The following ADGRG2 variants were observed in gnomAD, a reference collection of about 807,000 sequenced individuals.
The protein encoded by ADGRG2 is G protein-coupled receptor 64.
ADGRG2 carries 26 observed loss-of-function variants against 74.1 expected under a neutral mutation model. The ratio of observed to expected loss-of-function variants is 0.35; its 90% CI spans 0.26 to 0.49. ADGRG2 has a LOEUF of 0.49. Among genes scored for constraint, ADGRG2 ranks in the 20% least tolerant of loss-of-function variants. The pLI is 0.99. For missense variants in ADGRG2, 619 were observed against 763.1 expected (o/e 0.81, Z 2.22); for synonymous variants, 296 against 295.2 (o/e 1.00, Z -0.03).
intron 15 of ADGRG2, among the ~76,000 whole-genome samples, chrX:19,018,767 C>A (rs2060522221): frequency 8.9e-6 from 1 of 111,929 alleles, no homozygotes; most frequent in Non-Finnish European, 1.9e-5. Context: ...AGTCAAAAGA[C>A]AACTAAAATA....
At chrX:19,046,839 CGA>C (rs1322483717) in intron 3 of ADGRG2, among the ~76,000 whole-genome samples, 1 of 111,508 alleles carries the variant, frequency 9.0e-6, no homozygotes, top group Non-Finnish European at 1.9e-5. Flanking sequence ...CCAGCCAAAC[CGA>C]GAGAGGGGGA....
intron 3 of ADGRG2, among the ~76,000 whole-genome samples, chrX:19,041,566 T>C (rs2061065107): frequency 8.9e-6 from 1 of 112,056 alleles, no homozygotes; most frequent in African/African-American, 3.2e-5. Flanking sequence ...GCCTATTTTC[T>C]TGAAATGATG....
intron 9 of ADGRG2, among the ~76,000 whole-genome samples, chrX:19,029,084 T>G (rs951747106): frequency 8.9e-6 from 1 of 111,783 alleles, no homozygotes; most frequent in Non-Finnish European, 1.9e-5. Flanking sequence ...CTCATCATCT[T>G]TTATTGTACC....
At chrX:19,011,506 A>T (rs896135552) in intron 16 of ADGRG2, among the ~76,000 whole-genome samples, 1 of 112,220 alleles carries the variant, frequency 8.9e-6, no homozygotes, top group Admixed American at 9.5e-5. Flanking sequence ...TCATGTGTAC[A>T]GGATTTTATG....
chrX:19,122,082 C>A (rs1054705490), intron 1 of ADGRG2, among the ~76,000 whole-genome samples: 19 of 112,510 alleles, frequency 1.7e-4, no homozygotes, highest in Admixed American at 1.6e-3. Context: ...GTCTAGCACA[C>A]CACCCGCGCG....
chrX:19,079,241 G>A (rs2061804152), intron 2 of ADGRG2, among the ~76,000 whole-genome samples: 1 of 111,605 alleles, frequency 9.0e-6, no homozygotes, highest in Non-Finnish European at 1.9e-5. Context: ...AAGAAAAAGA[G>A]CACATCTGAA....
At chrX:19,069,889 G>C (rs1022510990) in intron 2 of ADGRG2, among the ~76,000 whole-genome samples, 12 of 112,483 alleles carry the variant, frequency 1.1e-4, no homozygotes, top group African/African-American at 3.9e-4. Flanking sequence ...CTTGGTGCAG[G>C]TGCAAGAGGC....
intron 28 of ADGRG2, 61 bp downstream of exon 28, chrX:18,994,835 G>A: frequency 1.0e-6 from 1 of 969,392 alleles, no homozygotes; most frequent in South Asian, 2.5e-5. Flanking sequence ...GCCAATAAAG[G>A]ATAAAACTAT....
At chrX:19,017,605 G>A (rs1156835966) in intron 15 of ADGRG2, among the ~76,000 whole-genome samples, 5 of 111,698 alleles carry the variant, frequency 4.5e-5, no homozygotes, top group Admixed American at 2.8e-4. Context: ...AATGGGGCAT[G>A]TTACTCTTTA....
chrX:18,999,822 C>T, intron 25 of ADGRG2, 39 bp downstream of exon 25: 1 of 816,340 alleles, frequency 1.2e-6, no homozygotes, highest in East Asian at 3.1e-5. Context: ...TTCCGTTTTC[C>T]AGTTCACTTA....
At chrX:19,029,164 T>C (rs1203207407) in intron 9 of ADGRG2, among the ~76,000 whole-genome samples, 1 of 111,855 alleles carries the variant, frequency 8.9e-6, no homozygotes, top group Non-Finnish European at 1.9e-5. Flanking sequence ...TGACATGATC[T>C]ATTTCAGCAA....
intron 3 of ADGRG2, among the ~76,000 whole-genome samples, chrX:19,056,476 G>T (rs1047556541): frequency 1.8e-5 from 2 of 111,381 alleles, no homozygotes; most frequent in African/African-American, 6.5e-5. Context: ...TGGTTCTCCG[G>T]GACCCTTGAA....
chrX:19,024,613 C>T (rs375051168), intron 11 of ADGRG2, among the ~76,000 whole-genome samples: 2 of 112,170 alleles, frequency 1.8e-5, no homozygotes, highest in African/African-American at 6.5e-5. Context: ...TTGGTTGTTA[C>T]GCTGAGGAGG....
In ADGRG2 at chrX:19,083,170, A is replaced by ATTT. The variant is rs58522004; in HGVS notation, c.-46-427_-46-425dup. ...AGGCACACGCTACCACACCCGGCTA[A>ATTT]TTTTTTTTTTTTTTTTTTTTTGTAT... On this transcript the variant is annotated intron_variant, in intron 1 of 28. Coordinates refer to ENST00000379869, the MANE Select transcript of ADGRG2 (RefSeq NM_001079858.3). Among the ~76,000 whole-genome samples, 41 of 83,156 alleles carry ATTT rather than the reference A, an allele frequency of 4.9e-4. 1 individual carries two copies. Among genetic ancestry groups the ATTT allele is most frequent in the African/African-American group, 1.7e-3 (36 of 21,064 alleles). 72.2% of individuals were successfully genotyped at this position (83,156 alleles called of 115,157 possible). A position where few individuals can be genotyped will look rare whatever the true frequency, so the allele number is the denominator to read the frequency against.
chrX:19,000,128 G>T (rs889644537), intron 24 of ADGRG2, among the ~76,000 whole-genome samples, 168 bp from the exon 25 acceptor site: 1 of 109,474 alleles, frequency 9.1e-6, no homozygotes, highest in Admixed American at 9.8e-5. Context: ...CTAGTAGCTG[G>T]GATTACAGGC....
chrX:19,027,650 A>G lies in ADGRG2; in HGVS notation c.415-376T>C, dbSNP rs1403189275. Among the ~76,000 whole-genome samples the G allele has an allele frequency of 3.6e-5, 4 of 112,318 alleles. No homozygotes were observed. In the East Asian group the frequency reaches 8.3e-4, roughly 23 times the overall value. On this transcript the variant is annotated intron_variant, in intron 10 of 28. Transcript: ENST00000379869. ...TCCCGGATCTAAGTAACAGACCCCA[A>G]TGTAAAAAGGAAAACTTGATAGCAG...
At chrX:19,039,970 G>A (rs910669829) in intron 4 of ADGRG2, among the ~76,000 whole-genome samples, 1 of 112,051 alleles carries the variant, frequency 8.9e-6, no homozygotes, top group Admixed American at 9.5e-5. Context: ...TTAGTCCCCT[G>A]TGATTTGTTG....
chrX:19,006,867 C>T (rs1193590281), intron 20 of ADGRG2, among the ~76,000 whole-genome samples: 1 of 106,858 alleles, frequency 9.4e-6, no homozygotes, highest in Non-Finnish European at 1.9e-5. Context: ...CGTGATCCTC[C>T]CGCCTCAGCC....
At chrX:19,040,644 T>C (rs2061040124) in intron 3 of ADGRG2, among the ~76,000 whole-genome samples, 1 of 111,923 alleles carries the variant, frequency 8.9e-6, no homozygotes, top group Non-Finnish European at 1.9e-5. Flanking sequence ...CCATTAACTG[T>C]GCTGCTTTTG....
Sources: gnomAD v4.1 joint callset for allele counts (sites outside exome capture counted in the v4.1 genomes callset) on GRCh38, gnomAD v4.1.1 for gene constraint, MANE v1.5 for transcripts, NCBI Gene and HGNC (gene_info 2026-07-23, HGNC 2026-07-21) for gene names.